The following FLT1 variants were observed in gnomAD, a reference collection of about 807,000 sequenced individuals.
FLT1 encodes the protein vascular endothelial growth factor receptor 1.
In FLT1, 49 loss-of-function variants were observed where a neutral mutation model predicts 156.3. The ratio of observed to expected loss-of-function variants is 0.31; its 90% CI spans 0.25 to 0.40. The LOEUF is 0.40. Ranked by LOEUF, FLT1 falls within the 10% of genes least tolerant of loss-of-function variation. FLT1 has a pLI of 1.00. For synonymous variants in FLT1, 594 were observed against 583.8 expected, an observed-to-expected ratio of 1.02 and a Z score of -0.25; for missense variants, 1,322 against 1,637.2, an observed-to-expected ratio of 0.81 and a Z score of 3.32.
chr13:28,345,787 A>T (rs1872543193), intron 15 of FLT1: 1 of 411,890 alleles, frequency 2.4e-6, no homozygotes, highest in Non-Finnish European at 4.4e-6. Flanking sequence ...CACATAGAAA[A>T]GGCTTTCCAG....
chr13:28,382,908 G>C (rs1323162855), intron 14 of FLT1, among the ~76,000 whole-genome samples: 1 of 152,130 alleles, frequency 6.6e-6, no homozygotes, highest in Non-Finnish European at 1.5e-5. Context: ...AAAATTTGGA[G>C]TTGTTATACC....
chr13:28,328,872 C>G (rs186014435), intron 19 of FLT1, among the ~76,000 whole-genome samples: 143 of 152,294 alleles, frequency 9.4e-4, no homozygotes, highest in African/African-American at 3.3e-3. Flanking sequence ...AAACGTTATC[C>G]GGGGATGATG....
chr13:28,458,603 C>G (rs1399231932), intron 3 of FLT1, among the ~76,000 whole-genome samples: 1 of 152,224 alleles, frequency 6.6e-6, no homozygotes, highest in Non-Finnish European at 1.5e-5. Context: ...TGACTGCCAG[C>G]AAGTCTACCA....
At chr13:28,308,510 C>T (rs1371017980) in intron 28 of FLT1, 1 of 372,432 alleles carries the variant, frequency 2.7e-6, no homozygotes, top group East Asian at 6.3e-5. Context: ...AAGCCCATCA[C>T]CCACACAGCT....
At chr13:28,343,356 AATGGGGTGATCTC>A (rs1472863516) in intron 16 of FLT1, among the ~76,000 whole-genome samples, 3 of 151,586 alleles carry the variant, frequency 2.0e-5, no homozygotes, top group Non-Finnish European at 4.4e-5. Context: ...ACAGGAGTGC[AATGGGGTGATCTC>A]GGCTCACTGC....
intron 14 of FLT1, among the ~76,000 whole-genome samples, chr13:28,359,197 A>G (rs1190337821): frequency 6.6e-6 from 1 of 152,222 alleles, no homozygotes; most frequent in Non-Finnish European, 1.5e-5. Flanking sequence ...AGATCCATCA[A>G]CCAATGGAAT....
At chr13:28,413,149 C>A (rs963287419) in intron 10 of FLT1, among the ~76,000 whole-genome samples, 2 of 151,992 alleles carry the variant, frequency 1.3e-5, no homozygotes, top group Non-Finnish European at 2.9e-5. Flanking sequence ...GGCTTTGGGT[C>A]GGCTCCCTGG....
At chr13:28,368,278 G>C (rs148925471) in intron 14 of FLT1, 2 of 390,464 alleles carry the variant, frequency 5.1e-6, no homozygotes, top group African/African-American at 4.1e-5. Flanking sequence ...TCAGCCTCCC[G>C]AGTAGCTGGC....
chr13:28,405,980 C>T lies in FLT1; in HGVS notation c.1437-86G>A, dbSNP rs1029950643. 49 of 767,372 alleles carry T rather than the reference C, an allele frequency of 6.4e-5. No individual in the cohort carries two copies. In the South Asian group the frequency reaches 6.7e-4, roughly 11 times the overall value. 47.5% of individuals were successfully genotyped at this position (767,372 alleles called of 1,614,324 possible). A position where few individuals can be genotyped will look rare whatever the true frequency, so the allele number is the denominator to read the frequency against. ...GGTGAAATGAAAACTTGGTGTAAGT[C>T]CTCAGATAACAAAGTCACAAATTTT... is the stretch of plus-strand genomic sequence containing the variant. On this transcript the variant is annotated intron_variant, in intron 10 of 29. Transcript: ENST00000282397.
chr13:28,425,992 C>T (rs894408094), intron 10 of FLT1, among the ~76,000 whole-genome samples: 9 of 152,172 alleles, frequency 5.9e-5, no homozygotes, highest in African/African-American at 1.7e-4. Context: ...AATTCCATAG[C>T]TCACCAGTAA....
intron 10 of FLT1, among the ~76,000 whole-genome samples, chr13:28,421,749 G>A (rs1166488231): frequency 6.6e-6 from 1 of 152,170 alleles, no homozygotes; most frequent in African/African-American, 2.4e-5. Context: ...TGCAAACACT[G>A]GGAAATACTT....
At chr13:28,344,926 C>T (rs185256927) in intron 16 of FLT1, among the ~76,000 whole-genome samples, 34 of 151,094 alleles carry the variant, frequency 2.3e-4, no homozygotes, top group African/African-American at 7.5e-4. Context: ...CTCAGCCTCC[C>T]GAGTAGCTGG....
At chr13:28,418,785 C>G (rs114837595) in intron 10 of FLT1, among the ~76,000 whole-genome samples, 2,126 of 151,884 alleles carry the variant, frequency 0.014, 46 homozygotes, top group African/African-American at 0.048. Flanking sequence ...TTGCCCAGAC[C>G]GGTCTCTGCA....
Position 28,319,409 on chromosome 13 carries a change from T to C in FLT1, c.3286+14A>G. 1 of 1,534,536 alleles carries C rather than the reference T, an allele frequency of 6.5e-7. No individual in the cohort carries two copies. The highest frequency in any genetic ancestry group is 9.0e-7 in the Non-Finnish European group (1 of 1,108,224). On this transcript the variant is annotated intron_variant, in intron 24 of 29. Coordinates refer to ENST00000282397, the MANE Select transcript of FLT1 (RefSeq NM_002019.4). ...TTTCTGGGCTGTTTGATTTCTTCCT[T>C]CTCCCAAATTTACCTAAGGAGAAGA...
intron 14 of FLT1, among the ~76,000 whole-genome samples, chr13:28,372,612 A>G (rs1346943274): frequency 7.2e-6 from 1 of 138,012 alleles, no homozygotes; most frequent in Non-Finnish European, 1.6e-5. Context: ...AGCTGGGTGC[A>G]GTGGCTCATG....
At chr13:28,413,378 C>T (rs188011305) in intron 10 of FLT1, among the ~76,000 whole-genome samples, 15 of 148,028 alleles carry the variant, frequency 1.0e-4, no homozygotes, top group African/African-American at 3.5e-4. Flanking sequence ...CTCCACCCCC[C>T]AAGCCAGACA....
chr13:28,346,661 G>A (rs1048700234), intron 15 of FLT1, among the ~76,000 whole-genome samples: 1 of 152,156 alleles, frequency 6.6e-6, no homozygotes, highest in African/African-American at 2.4e-5. Context: ...AGTGAGCTAT[G>A]ATTGTGCCAC....
At chr13:28,489,562 GA>G (rs1166349615) in intron 1 of FLT1, among the ~76,000 whole-genome samples, 1 of 152,210 alleles carries the variant, frequency 6.6e-6, no homozygotes, top group Non-Finnish European at 1.5e-5. Flanking sequence ...GGAGCTCCCA[GA>G]GATGGTGATT....
intron 1 of FLT1, among the ~76,000 whole-genome samples, chr13:28,481,508 A>G (rs564973688): frequency 5.3e-4 from 81 of 151,756 alleles, no homozygotes; most frequent in Non-Finnish European, 9.1e-4. Flanking sequence ...AGGTGAACCA[A>G]TGAGGAACCA....
Sources: gnomAD v4.1 joint callset for allele counts (sites outside exome capture counted in the v4.1 genomes callset) on GRCh38, gnomAD v4.1.1 for gene constraint, MANE v1.5 for transcripts, NCBI Gene and HGNC (gene_info 2026-07-23, HGNC 2026-07-21) for gene names.